The following SLC14A2 variants were observed in gnomAD, a reference collection of about 807,000 sequenced individuals.
The protein encoded by SLC14A2 is urea transporter 2.
A neutral mutation model predicts 104.6 loss-of-function variants in SLC14A2; 91 were observed. The ratio of observed to expected loss-of-function variants is 0.87; its 90% confidence interval spans 0.73 to 1.04. The LOEUF is 1.04. Ranked by LOEUF, SLC14A2 falls within the 50% of genes least tolerant of loss-of-function variation. SLC14A2 has a pLI of 0.00. For missense variants in SLC14A2, 1,189 were observed against 1,156.0 expected (o/e 1.03, Z -0.41); for synonymous variants, 476 against 466.4 (o/e 1.02, Z -0.27).
intron 2 of SLC14A2, among the ~76,000 whole-genome samples, chr18:45,503,635 G>A (rs576628516): frequency 2.0e-5 from 3 of 152,208 alleles, no homozygotes; most frequent in African/African-American, 2.4e-5. Flanking sequence ...AAAGCTCCAC[G>A]TACTCTTTCT....
intron 1 of SLC14A2, among the ~76,000 whole-genome samples, chr18:45,300,384 C>CTCTG (rs33928316): frequency 0.36 from 54,848 of 151,370 alleles, 10,530 homozygotes; most frequent in African/African-American, 0.51. Context: ...ACAGAGCCTG[C>CTCTG]TCTATCTCAA....
chr18:45,406,242 C>T (rs1040464368), intron 1 of SLC14A2, among the ~76,000 whole-genome samples: 3 of 152,216 alleles, frequency 2.0e-5, no homozygotes, highest in Non-Finnish European at 4.4e-5. Flanking sequence ...CACAGTATCT[C>T]CACTAGGAGT....
intron 14 of SLC14A2, 87 bp from the exon 15 acceptor site, chr18:45,668,262 C>T: frequency 6.5e-7 from 1 of 1,545,804 alleles, no homozygotes; most frequent in Non-Finnish European, 8.8e-7. Context: ...GTAGTCAGGC[C>T]CCAGATAAAA....
chr18:45,422,576 G>C (rs938075404), intron 1 of SLC14A2, among the ~76,000 whole-genome samples: 2 of 152,108 alleles, frequency 1.3e-5, no homozygotes, highest in South Asian at 4.2e-4. Flanking sequence ...AGGGAGAGGG[G>C]CAGATTCAGG....
intron 17 of SLC14A2, 35 bp from the exon 18 acceptor site, chr18:45,673,648 C>G (rs1301816265): frequency 6.2e-7 from 1 of 1,608,968 alleles, no homozygotes; most frequent in Non-Finnish European, 8.5e-7. Context: ...CCATAAGACC[C>G]TAGACCCAAC....
At chr18:45,362,038 G>A (rs533149790) in intron 1 of SLC14A2, among the ~76,000 whole-genome samples, 1 of 152,334 alleles carries the variant, frequency 6.6e-6, no homozygotes, top group South Asian at 2.1e-4. Context: ...CTGGTGGGAG[G>A]TGATTGGATT....
intron 1 of SLC14A2, among the ~76,000 whole-genome samples, chr18:45,424,347 C>T (rs2086392681): frequency 6.6e-6 from 1 of 152,148 alleles, no homozygotes; most frequent in Non-Finnish European, 1.5e-5. Flanking sequence ...ATCCAGTGCT[C>T]ATATTCTGGG....
chr18:45,624,309 C>T (rs1429817108), intron 1 of SLC14A2, among the ~76,000 whole-genome samples: 1 of 152,160 alleles, frequency 6.6e-6, no homozygotes, highest in East Asian at 1.9e-4. Flanking sequence ...CTAACTACCA[C>T]AATAGGACGG....
At chr18:45,349,662 A>G (rs1374305890) in intron 1 of SLC14A2, among the ~76,000 whole-genome samples, 3 of 152,180 alleles carry the variant, frequency 2.0e-5, no homozygotes, top group Non-Finnish European at 2.9e-5. Flanking sequence ...CACAAACATA[A>G]CCCATCTTGG....
At chr18:45,515,133 A>G (rs1230963897) in intron 2 of SLC14A2, among the ~76,000 whole-genome samples, 1 of 152,226 alleles carries the variant, frequency 6.6e-6, no homozygotes, top group African/African-American at 2.4e-5. Flanking sequence ...TGGCATGACA[A>G]CAGTGTCTGA....
chr18:45,405,509 G>A (rs942771356), intron 1 of SLC14A2, among the ~76,000 whole-genome samples: 7 of 152,114 alleles, frequency 4.6e-5, no homozygotes, highest in African/African-American at 1.7e-4. Flanking sequence ...GCATATGAAA[G>A]TTATATTATA....
chr18:45,578,082 C>T (rs13381632), intron 2 of SLC14A2, among the ~76,000 whole-genome samples: 8,789 of 152,178 alleles, frequency 0.058, 271 homozygotes, highest in African/African-American at 0.068. Flanking sequence ...TGTGTACCCC[C>T]TTCCCCTAGA....
chr18:45,491,005 A>C (rs1320087950), intron 2 of SLC14A2, among the ~76,000 whole-genome samples: 3 of 152,220 alleles, frequency 2.0e-5, no homozygotes, highest in Non-Finnish European at 4.4e-5. Flanking sequence ...GCCATCCTAG[A>C]GGAAGTCCAA....
chr18:45,461,557 A>AT (rs1332387320), intron 1 of SLC14A2, among the ~76,000 whole-genome samples: 1 of 152,198 alleles, frequency 6.6e-6, no homozygotes, highest in Non-Finnish European at 1.5e-5. Flanking sequence ...GATATTTGAG[A>AT]TCAAAGTGCC....
intron 1 of SLC14A2, among the ~76,000 whole-genome samples, chr18:45,311,975 GT>G (rs749848218): frequency 6.6e-5 from 10 of 152,200 alleles, no homozygotes; most frequent in Non-Finnish European, 1.3e-4. Context: ...TCTAAAAATA[GT>G]CATGGATACC....
At chr18:45,317,745 AC>A (rs1249952865) in intron 1 of SLC14A2, among the ~76,000 whole-genome samples, 1 of 151,990 alleles carries the variant, frequency 6.6e-6, no homozygotes, top group African/African-American at 2.4e-5. Flanking sequence ...GAGCCCCAGG[AC>A]CCCACACTCT....
intron 1 of SLC14A2, among the ~76,000 whole-genome samples, chr18:45,257,835 C>A (rs905655684): frequency 1.4e-4 from 22 of 152,134 alleles, no homozygotes; most frequent in African/African-American, 5.3e-4. Context: ...AGTTTCAAAA[C>A]GTATGTGCAT....
At chr18:45,655,361 T>C (rs1172475118) in intron 10 of SLC14A2, among the ~76,000 whole-genome samples, 2 of 152,144 alleles carry the variant, frequency 1.3e-5, no homozygotes, top group Non-Finnish European at 2.9e-5. Context: ...GGGAAAGCCA[T>C]CCTGTGAGGC....
At chr18:45,215,210 G>A (rs1180472738) in intron 1 of SLC14A2, among the ~76,000 whole-genome samples, 1 of 152,210 alleles carries the variant, frequency 6.6e-6, no homozygotes, top group East Asian at 1.9e-4. Flanking sequence ...TTATTCATGA[G>A]TTTAAGATTA....
Sources: gnomAD v4.1 joint callset for allele counts (sites outside exome capture counted in the v4.1 genomes callset) on GRCh38, gnomAD v4.1.1 for gene constraint, MANE v1.5 for transcripts, NCBI Gene and HGNC (gene_info 2026-07-23, HGNC 2026-07-21) for gene names.